The following GTF2F2 variants were observed in gnomAD, a reference collection of about 807,000 sequenced individuals.
GTF2F2 encodes general transcription factor IIF subunit 2.
In GTF2F2, 23 loss-of-function variants were observed where a neutral mutation model predicts 42.2. The ratio of observed to expected loss-of-function variants is 0.55; its 90% confidence interval spans 0.39 to 0.77. The LOEUF (loss-of-function observed/expected upper bound fraction) is 0.77, where lower values mean the gene tolerates loss of function less well. Ranked by LOEUF, GTF2F2 falls within the 30% of genes least tolerant of loss-of-function variation. The pLI, the probability that GTF2F2 is intolerant of heterozygous loss-of-function variation, is 0.00. For synonymous variants in GTF2F2, 105 were observed against 100.8 expected (o/e 1.04, Z -0.25); for missense variants, 261 against 287.2 (o/e 0.91, Z 0.66).
At chr13:45,143,448 GGAGAT>G in intron 2 of GTF2F2, among the ~76,000 whole-genome samples, 2 of 152,244 alleles carry the variant, frequency 1.3e-5, no homozygotes, top group Middle Eastern at 6.8e-3. Context: ...CCTCATCTGA[GGAGAT>G]GATATTAATA....
chr13:45,170,152 T>C (rs956676431), intron 4 of GTF2F2, among the ~76,000 whole-genome samples: 2 of 152,158 alleles, frequency 1.3e-5, no homozygotes, highest in African/African-American at 4.8e-5. Flanking sequence ...GCCTCCCAAA[T>C]AGCTGGGACT....
chr13:45,229,937 C>T (rs931357363), intron 5 of GTF2F2, among the ~76,000 whole-genome samples: 6 of 151,802 alleles, frequency 4.0e-5, no homozygotes, highest in African/African-American at 1.5e-4. Flanking sequence ...TAGGAGAGGC[C>T]TGGTGCGGTG....
intron 6 of GTF2F2, among the ~76,000 whole-genome samples, chr13:45,262,567 A>G (rs1876386853): frequency 6.6e-6 from 1 of 151,784 alleles, no homozygotes; most frequent in African/African-American, 2.4e-5. Flanking sequence ...AGCTTGGACT[A>G]CAGGTGAGTG....
intron 4 of GTF2F2, among the ~76,000 whole-genome samples, chr13:45,164,448 C>G (rs1472602072): frequency 6.6e-6 from 1 of 151,938 alleles, no homozygotes; most frequent in Non-Finnish European, 1.5e-5. Flanking sequence ...AGTAGCAGCC[C>G]TAGTGGCCAG....
intron 4 of GTF2F2, among the ~76,000 whole-genome samples, chr13:45,191,088 C>T (rs1317035583): frequency 6.6e-6 from 1 of 150,530 alleles, no homozygotes; most frequent in Non-Finnish European, 1.5e-5. Flanking sequence ...ATAGTAAAAG[C>T]CGGCCGGGCG....
intron 5 of GTF2F2, among the ~76,000 whole-genome samples, chr13:45,241,824 G>A (rs1875326229): frequency 6.6e-6 from 1 of 152,020 alleles, no homozygotes; most frequent in Non-Finnish European, 1.5e-5. Context: ...TCAACGCACT[G>A]GGTTTTACAT....
At position 45,176,006 on chromosome 13, in the gene GTF2F2, G is replaced by T. The variant is rs115790797; in HGVS notation, c.304+24175G>T. Among the ~76,000 whole-genome samples, 849 of 152,276 alleles carry T rather than the reference G, an allele frequency of 5.6e-3. 8 individuals carry two copies. Among genetic ancestry groups the T allele is most frequent in the African/African-American group, 0.02 (816 of 41,548 alleles). On this transcript the variant is annotated intron_variant, in intron 4 of 7. Coordinates refer to ENST00000340473, the MANE Select transcript of GTF2F2 (RefSeq NM_004128.3). ...TAGATTTTATTACAGTTGTCATGGA[G>T]TACTGTTTTCTAAGACTGATCCACG... is the stretch of plus-strand genomic sequence containing the variant.
At chr13:45,231,773 T>C (rs564448896) in intron 5 of GTF2F2, among the ~76,000 whole-genome samples, 35 of 152,328 alleles carry the variant, frequency 2.3e-4, no homozygotes, top group African/African-American at 7.9e-4. Flanking sequence ...TTTTAAGAAT[T>C]TTTCTCTGAA....
At chr13:45,280,052 G>A (rs948048065) in intron 7 of GTF2F2, among the ~76,000 whole-genome samples, 2 of 152,220 alleles carry the variant, frequency 1.3e-5, no homozygotes, top group East Asian at 3.9e-4. Context: ...GTTAGAGAAA[G>A]TTTCTCTGAG....
chr13:45,272,434 A>AC (rs1365644033), intron 7 of GTF2F2, among the ~76,000 whole-genome samples: 5 of 141,252 alleles, frequency 3.5e-5, no homozygotes, highest in African/African-American at 5.8e-5. Context: ...TAAAAAAAAA[A>AC]AAAAAACAAA....
chr13:45,225,011 C>G (rs79725827), intron 5 of GTF2F2, among the ~76,000 whole-genome samples: 4,347 of 152,252 alleles, frequency 0.029, 189 homozygotes, highest in African/African-American at 0.093. Context: ...CTCAAACTTT[C>G]ATGTTTGTGT....
At chr13:45,227,172 A>G (rs1280772316) in intron 5 of GTF2F2, among the ~76,000 whole-genome samples, 4 of 152,122 alleles carry the variant, frequency 2.6e-5, no homozygotes, top group Non-Finnish European at 5.9e-5. Flanking sequence ...TCATTTTTCA[A>G]TTTTTTCTTT....
chr13:45,193,199 C>A (rs1445398898), intron 4 of GTF2F2: 1 of 152,176 alleles, frequency 6.6e-6, no homozygotes, highest in African/African-American at 2.4e-5. Flanking sequence ...ATATGAAACA[C>A]AGGAACTGTG....
intron 6 of GTF2F2, chr13:45,263,982 G>A (rs148726071): frequency 1.3e-5 from 2 of 153,316 alleles, no homozygotes; most frequent in African/African-American, 2.4e-5. Flanking sequence ...ACTTGTGTTC[G>A]TGAACTATGA....
At chr13:45,259,155 G>A (rs944566501) in intron 6 of GTF2F2, among the ~76,000 whole-genome samples, 28 of 152,074 alleles carry the variant, frequency 1.8e-4, no homozygotes, top group African/African-American at 6.5e-4. Context: ...GGCCGGGTGC[G>A]GTGGCTCACA....
chr13:45,277,338 A>G (rs1176287890), intron 7 of GTF2F2, among the ~76,000 whole-genome samples: 2 of 152,188 alleles, frequency 1.3e-5, no homozygotes, highest in Non-Finnish European at 2.9e-5. Flanking sequence ...GGAAACTCAC[A>G]GTCATGGTGG....
chr13:45,126,245 CTTTTTTTTTTTTT>C (rs11383296), intron 1 of GTF2F2, among the ~76,000 whole-genome samples: 7 of 100,642 alleles, frequency 7.0e-5, no homozygotes, highest in Non-Finnish European at 1.3e-4. Context: ...GGAAGAACGA[CTTTTTTTTTTTTT>C]TTTTTTTTTT....
intron 4 of GTF2F2, chr13:45,193,292 A>G (rs1052634285): frequency 6.6e-6 from 1 of 152,588 alleles, no homozygotes; most frequent in Non-Finnish European, 1.5e-5. Context: ...GTTTCACTAT[A>G]GCTCTGTTTT....
chr13:45,263,726 T>A (rs1017285824), intron 6 of GTF2F2: 1 of 152,558 alleles, frequency 6.6e-6, no homozygotes, highest in Non-Finnish European at 1.5e-5. Flanking sequence ...AGTGCTTTGA[T>A]GAAACCAAAC....
Sources: allele counts gnomAD v4.1 joint callset (sites outside exome capture counted in the v4.1 genomes callset), GRCh38; gene constraint gnomAD v4.1.1; transcripts MANE v1.5; gene names NCBI Gene and HGNC (gene_info 2026-07-23, HGNC 2026-07-21).